HMCES: variants seen among roughly 807,000 people sequenced by gnomAD.
The protein encoded by HMCES is abasic site processing protein HMCES.
HMCES carries 27 observed loss-of-function variants against 35.1 expected under a neutral mutation model. That is an observed-to-expected ratio of 0.77 (90% CI 0.57 to 1.06). The LOEUF (loss-of-function observed/expected upper bound fraction) is 1.06, where lower values mean the gene tolerates loss of function less well. HMCES is among the 50% of genes least tolerant of loss of function. The pLI is 0.00. For synonymous variants in HMCES, 130 were observed against 154.7 expected, an observed-to-expected ratio of 0.84 and a Z score of 1.18; for missense variants, 391 against 430.4, an observed-to-expected ratio of 0.91 and a Z score of 0.81.
rs749113566 is a variant in HMCES, at chr3:129,304,710, A to G, written c.950A>G (p.Gln317Arg). ...TCAGATGTTCCCCAGTGGTCCAGTC[A>G]GTTCCTGCAGAAGAGTCCACTCCCC... ...EESDVPQWSS[Q>R]FLQKSPLPTK... The change falls in exon 7 of 7, where the codon CAG becomes CGG. Residue 317 changes from glutamine to arginine, a missense_variant. Gln to Arg is a conservative substitution (Grantham distance 43). Transcript: ENST00000383463. 4 of 1,614,076 alleles carry G rather than the reference A, an allele frequency of 2.5e-6. No individual in the cohort carries two copies. In the African/African-American group the frequency reaches 4.0e-5, roughly 16 times the overall value.
chr3:129,292,066 A>AC (rs2071025118), intron 4 of HMCES, among the ~76,000 whole-genome samples: 1 of 151,904 alleles, frequency 6.6e-6, no homozygotes, highest in African/African-American at 2.4e-5. Context: ...ACAGAGTGAG[A>AC]CCCCATCTCA....
intron 4 of HMCES, among the ~76,000 whole-genome samples, chr3:129,296,539 G>T (rs187233770): frequency 6.6e-6 from 1 of 151,576 alleles, no homozygotes; most frequent in African/African-American, 2.4e-5. Flanking sequence ...TCTTGAATCT[G>T]GTTCTGTTAA....
chr3:129,283,196 G>A (rs1416003487), intron 2 of HMCES, among the ~76,000 whole-genome samples: 1 of 152,070 alleles, frequency 6.6e-6, no homozygotes. Context: ...TGTCAGAATT[G>A]TCCCGTACTG....
chr3:129,282,639 T>C (rs1047308204), intron 2 of HMCES, among the ~76,000 whole-genome samples: 1 of 152,222 alleles, frequency 6.6e-6, no homozygotes, highest in East Asian at 1.9e-4. Context: ...TTGATAATAT[T>C]TGATATCTCA....
chr3:129,296,487 C>T (rs2071094293), intron 4 of HMCES, among the ~76,000 whole-genome samples: 1 of 152,112 alleles, frequency 6.6e-6, no homozygotes, highest in African/African-American at 2.4e-5. Flanking sequence ...ATTTTACTTA[C>T]TTCAAGTTCT....
At position 129,290,807 on chromosome 3, in the gene HMCES, A is replaced by G. The variant is rs759613510; in HGVS notation, c.453+3A>G. The G allele has an allele frequency of 1.9e-6, 3 of 1,611,668 alleles. No individual in the cohort carries two copies. Among genetic ancestry groups the G allele is most frequent in the African/African-American group, 2.7e-5 (2 of 74,858 alleles). Reference sequence around the variant, plus strand: ...TTCCTCAAATCAAGACAGAGAAGGTATCATTATCAGCATTCACAATATATA... The same window carrying G: ...TTCCTCAAATCAAGACAGAGAAGGTGTCATTATCAGCATTCACAATATATA... On this transcript the variant is annotated splice_donor_region_variant and intron_variant, in intron 4 of 6. Transcript: ENST00000383463.
chr3:129,301,820 C>T, intron 5 of HMCES, 130 bp from the exon 6 acceptor site: 1 of 726,432 alleles, frequency 1.4e-6, no homozygotes, highest in East Asian at 2.5e-5. Context: ...CAGCAATCAG[C>T]ATGTGAGGCG....
At chr3:129,299,282 G>A (rs1436633453) in intron 5 of HMCES, among the ~76,000 whole-genome samples, 1 of 152,228 alleles carries the variant, frequency 6.6e-6, no homozygotes, top group Non-Finnish European at 1.5e-5. Context: ...GTTGTGGAAG[G>A]AAGGTTATGT....
chr3:129,286,005 C>T (rs546969172), intron 2 of HMCES, among the ~76,000 whole-genome samples: 85 of 152,318 alleles, frequency 5.6e-4, no homozygotes, highest in Middle Eastern at 3.4e-3. Flanking sequence ...GCTGGGATTA[C>T]AGGCGTGAGC....
intron 4 of HMCES, among the ~76,000 whole-genome samples, chr3:129,294,937 C>T (rs1560076354): frequency 6.6e-6 from 1 of 151,716 alleles, no homozygotes; most frequent in Admixed American, 6.6e-5. Flanking sequence ...GTGGGCGGAT[C>T]ACCAGGTCAG....
At chr3:129,294,369 G>A (rs2071065894) in intron 4 of HMCES, among the ~76,000 whole-genome samples, 2 of 152,152 alleles carry the variant, frequency 1.3e-5, no homozygotes, top group Admixed American at 1.3e-4. Context: ...CTTGCAGTGA[G>A]CCAAGATTGC....
At chr3:129,301,191 CAA>C (rs11402453) in intron 5 of HMCES, among the ~76,000 whole-genome samples, 10 of 92,950 alleles carry the variant, frequency 1.1e-4, no homozygotes, top group African/African-American at 8.7e-5. Flanking sequence ...GACTCTGTCT[CAA>C]AAAAAAAAAA....
intron 6 of HMCES, among the ~76,000 whole-genome samples, chr3:129,303,630 T>A (rs1215614750): frequency 6.6e-6 from 1 of 152,194 alleles, no homozygotes; most frequent in Non-Finnish European, 1.5e-5. Context: ...TGTAAGCACT[T>A]AAAAAGTTTA....
chr3:129,281,696 GAAAT>G (rs1444816457), intron 2 of HMCES, among the ~76,000 whole-genome samples: 1 of 150,690 alleles, frequency 6.6e-6, no homozygotes, highest in African/African-American at 2.4e-5. Context: ...ATCTCAAAAA[GAAAT>G]AAAGATAACA....
chr3:129,280,596 AG>A (rs1940446923), intron 2 of HMCES, among the ~76,000 whole-genome samples: 1 of 152,228 alleles, frequency 6.6e-6, no homozygotes. Flanking sequence ...GCTTAAGATC[AG>A]TTAATTTAAA....
intron 5 of HMCES, among the ~76,000 whole-genome samples, chr3:129,301,191 CA>C (rs11402453): frequency 7.0e-4 from 65 of 92,968 alleles, no homozygotes; most frequent in Non-Finnish European, 8.6e-4. Context: ...GACTCTGTCT[CA>C]AAAAAAAAAA....
intron 2 of HMCES, 152 bp from the exon 3 acceptor site, chr3:129,288,702 A>T (rs891038547): frequency 1.5e-6 from 1 of 686,512 alleles, no homozygotes; most frequent in African/African-American, 1.8e-5. Flanking sequence ...TCTCAAAAAA[A>T]ATAAAAAAAT....
In HMCES at chr3:129,304,897, T is replaced by C. The variant is rs961147566; in HGVS notation, c.*72T>C. The C allele has an allele frequency of 1.6e-6, 2 of 1,220,716 alleles. No individual in the cohort carries two copies. The highest frequency in any genetic ancestry group is 1.2e-6 in the Non-Finnish European group (1 of 836,722). 75.6% of individuals were successfully genotyped at this position (1,220,716 alleles called of 1,614,324 possible). A position where few individuals can be genotyped will look rare whatever the true frequency, so the allele number is the denominator to read the frequency against. ...CTGATAATAGGTTCTTAACATTGTA[T>C]GTATATGTGTTTGCTTTGGGAGGAG... On this transcript the variant is annotated 3_prime_UTR_variant, in exon 7 of 7. Coordinates refer to ENST00000383463, the MANE Select transcript of HMCES (RefSeq NM_020187.3).
intron 5 of HMCES, among the ~76,000 whole-genome samples, chr3:129,299,023 C>T (rs1212625035): frequency 3.4e-4 from 52 of 152,122 alleles, no homozygotes; most frequent in Non-Finnish European, 1.3e-4. Context: ...TGGCGGGCTC[C>T]TGTAGTCCCA....
Sources: allele counts gnomAD v4.1 joint callset (sites outside exome capture counted in the v4.1 genomes callset), GRCh38; gene constraint gnomAD v4.1.1; transcripts MANE v1.5; gene names NCBI Gene and HGNC (gene_info 2026-07-23, HGNC 2026-07-21).